Variants in FRMD4A observed in about 807,000 individuals in gnomAD.
The protein encoded by FRMD4A is FERM domain containing 4A, also known as FERM domain-containing protein 4A.
A neutral mutation model predicts 129.1 loss-of-function variants in FRMD4A; 29 were observed. That is an observed-to-expected ratio of 0.22 (90% CI 0.17 to 0.31). The LOEUF (loss-of-function observed/expected upper bound fraction) is 0.31. Among genes scored for constraint, FRMD4A ranks in the 10% least tolerant of loss-of-function variants. The probability of loss-of-function intolerance (pLI) is 1.00; values close to 1 mark genes in which losing one functional copy is unlikely to be tolerated. For synonymous variants in FRMD4A, 634 were observed against 571.6 expected, an observed-to-expected ratio of 1.11 and a Z score of -1.56; for missense variants, 1,272 against 1,375.8, an observed-to-expected ratio of 0.92 and a Z score of 1.19.
At chr10:14,312,157 G>T (rs1398820023) in intron 2 of FRMD4A, among the ~76,000 whole-genome samples, 2 of 152,150 alleles carry the variant, frequency 1.3e-5, no homozygotes, top group African/African-American at 2.4e-5. Flanking sequence ...ATGAAATTTG[G>T]GTATGATTCT....
At chr10:14,281,334 C>G (rs1845514321) in intron 2 of FRMD4A, among the ~76,000 whole-genome samples, 1 of 152,166 alleles carries the variant, frequency 6.6e-6, no homozygotes, top group African/African-American at 2.4e-5. Flanking sequence ...CAGACTGGTA[C>G]AGCAGGAAGA....
chr10:13,687,178 C>T (rs2085165490), intron 15 of FRMD4A, among the ~76,000 whole-genome samples: 1 of 152,120 alleles, frequency 6.6e-6, no homozygotes, highest in Non-Finnish European at 1.5e-5. Flanking sequence ...AACTGTAGTC[C>T]CAGCTGCTCA....
At chr10:14,219,869 A>G (rs1843191383) in intron 2 of FRMD4A, among the ~76,000 whole-genome samples, 1 of 152,218 alleles carries the variant, frequency 6.6e-6, no homozygotes, top group Non-Finnish European at 1.5e-5. Flanking sequence ...AAGCGATGCT[A>G]GTCCTGCCTG....
intron 2 of FRMD4A, among the ~76,000 whole-genome samples, chr10:14,201,799 A>C (rs1842643616): frequency 6.6e-6 from 1 of 152,186 alleles, no homozygotes; most frequent in Non-Finnish European, 1.5e-5. Flanking sequence ...GGCAGATCAC[A>C]CAAACCATTC....
At chr10:13,988,950 T>G (rs2095592977) in intron 2 of FRMD4A, among the ~76,000 whole-genome samples, 2 of 152,232 alleles carry the variant, frequency 1.3e-5, no homozygotes, top group African/African-American at 4.8e-5. Context: ...AGACTGCATC[T>G]GCATTTAGTA....
chr10:13,946,637 C>T (rs934754352), intron 2 of FRMD4A, among the ~76,000 whole-genome samples: 5 of 152,254 alleles, frequency 3.3e-5, no homozygotes, highest in South Asian at 2.1e-4. Flanking sequence ...TTTGCTTTCA[C>T]ATCTTCCAAA....
At chr10:13,943,782 A>G (rs1449352521) in intron 2 of FRMD4A, among the ~76,000 whole-genome samples, 1 of 152,144 alleles carries the variant, frequency 6.6e-6, no homozygotes, top group African/African-American at 2.4e-5. Flanking sequence ...TGTTTAGATA[A>G]CAAAGAAACC....
chr10:13,937,719 T>A (rs1332266771), intron 2 of FRMD4A, among the ~76,000 whole-genome samples: 5 of 152,212 alleles, frequency 3.3e-5, no homozygotes, highest in African/African-American at 1.2e-4. Flanking sequence ...AATTAAAATT[T>A]AAAAAGCTCT....
intron 2 of FRMD4A, among the ~76,000 whole-genome samples, chr10:13,940,556 C>G (rs556070780): frequency 6.6e-6 from 1 of 152,182 alleles, no homozygotes; most frequent in South Asian, 2.1e-4. Flanking sequence ...ATGTATAGGC[C>G]TGAGGGTATT....
chr10:13,963,620 G>T (rs1399256337), intron 2 of FRMD4A, among the ~76,000 whole-genome samples: 1 of 152,184 alleles, frequency 6.6e-6, no homozygotes, highest in Non-Finnish European at 1.5e-5. Context: ...AACTAATCAT[G>T]TGGACAGCTG....
intron 2 of FRMD4A, among the ~76,000 whole-genome samples, chr10:13,967,812 G>GATCCACCCACCT (rs2095494515): frequency 6.6e-6 from 1 of 152,240 alleles, no homozygotes; most frequent in African/African-American, 2.4e-5. Context: ...CTGGGAGGAT[G>GATCCACCCACCT]GGGCAGGCAG....
intron 3 of FRMD4A, among the ~76,000 whole-genome samples, chr10:13,850,573 T>C (rs1426948771): frequency 1.3e-5 from 2 of 152,210 alleles, no homozygotes; most frequent in Non-Finnish European, 2.9e-5. Context: ...AGGAATGAAA[T>C]GACCTGGGTA....
intron 2 of FRMD4A, among the ~76,000 whole-genome samples, chr10:14,224,569 T>C (rs906989506): frequency 1.3e-5 from 2 of 152,184 alleles, no homozygotes; most frequent in African/African-American, 4.8e-5. Context: ...TTTGATTAAA[T>C]TTTGATTTTT....
Position 13,781,980 on chromosome 10 carries a change from T to C in FRMD4A, c.384+942A>G, listed in dbSNP as rs961936685. ...AAATGGCGGAGACTACAAACTGACT[T>C]CCGTGTATGCTGCTCGAGTGAAGGG... On this transcript the variant is annotated intron_variant, in intron 6 of 24. Transcript: ENST00000357447. Among the ~76,000 whole-genome samples the C allele has an allele frequency of 2.0e-5, 3 of 152,108 alleles. No individual in the cohort carries two copies. The East Asian group carries it at 5.8e-4, about 29-fold the overall frequency.
intron 2 of FRMD4A, among the ~76,000 whole-genome samples, chr10:14,079,797 G>T (rs1021853560): frequency 2.0e-5 from 3 of 152,190 alleles, no homozygotes; most frequent in Admixed American, 1.3e-4. Flanking sequence ...TGCTGATTAT[G>T]CTGAGGAATT....
At chr10:14,306,450 A>G (rs1049014850) in intron 2 of FRMD4A, among the ~76,000 whole-genome samples, 2 of 152,240 alleles carry the variant, frequency 1.3e-5, no homozygotes, top group Admixed American at 6.5e-5. Context: ...CTTATAATAC[A>G]GCAAACAGCT....
chr10:14,310,124 C>G (rs1309532374), intron 2 of FRMD4A, among the ~76,000 whole-genome samples: 1 of 152,240 alleles, frequency 6.6e-6, no homozygotes. Context: ...CCTGCCTCCC[C>G]AGCTGGCTGG....
intron 2 of FRMD4A, among the ~76,000 whole-genome samples, chr10:14,032,414 A>G (rs1184132389): frequency 6.6e-6 from 1 of 152,214 alleles, no homozygotes; most frequent in Admixed American, 6.5e-5. Flanking sequence ...TATTGCCATT[A>G]GTGAAGCGCT....
chr10:14,222,694 T>C (rs7903656), intron 2 of FRMD4A, among the ~76,000 whole-genome samples: 20,983 of 152,140 alleles, frequency 0.14, 3,401 homozygotes, highest in African/African-American at 0.39. Context: ...CAGGCCATGG[T>C]ATTGAGTAGA....
Sources: allele counts gnomAD v4.1 joint callset (sites outside exome capture counted in the v4.1 genomes callset), GRCh38; gene constraint gnomAD v4.1.1; transcripts MANE v1.5; gene names NCBI Gene and HGNC (gene_info 2026-07-23, HGNC 2026-07-21).